NUP98: variants seen among roughly 807,000 people sequenced by gnomAD.
NUP98 encodes the protein nuclear pore complex protein Nup98-Nup96.
In NUP98, 26 loss-of-function variants were observed where a neutral mutation model predicts 191.9. The ratio of observed to expected loss-of-function variants is 0.14; its 90% CI spans 0.10 to 0.19. The LOEUF (loss-of-function observed/expected upper bound fraction) is 0.19. Among genes scored for constraint, NUP98 ranks in the 10% least tolerant of loss-of-function variants. The probability of loss-of-function intolerance (pLI) is 1.00; values close to 1 mark genes in which losing one functional copy is unlikely to be tolerated. For missense variants in NUP98, 1,941 were observed against 2,178.8 expected (o/e 0.89, Z 2.17); for synonymous variants, 808 against 778.4 (o/e 1.04, Z -0.63).
chr11:3,676,648 T>C, intron 31 of NUP98, 28 bp from the exon 32 acceptor site: 1 of 1,545,638 alleles, frequency 6.5e-7, no homozygotes, highest in Non-Finnish European at 8.9e-7. Context: ...AGCCAATTAA[T>C]CCAAGGGGAG....
intron 1 of NUP98, among the ~76,000 whole-genome samples, chr11:3,784,325 G>GA (rs201208462): frequency 0.021 from 3,169 of 151,578 alleles, 112 homozygotes; most frequent in African/African-American, 0.073. Flanking sequence ...AATTTCCTAG[G>GA]AAAAAAAATC....
chr11:3,704,330 G>C (rs889491252), intron 22 of NUP98, among the ~76,000 whole-genome samples: 4 of 152,174 alleles, frequency 2.6e-5, no homozygotes, highest in African/African-American at 9.7e-5. Context: ...GTTCTTTGCT[G>C]ATATTAAAAC....
At chr11:3,796,909 C>A (rs1003767237) in intron 1 of NUP98, among the ~76,000 whole-genome samples, 1 of 152,252 alleles carries the variant, frequency 6.6e-6, no homozygotes, top group African/African-American at 2.4e-5. Context: ...CGAACCGACT[C>A]CTATTCTCAG....
intron 30 of NUP98, among the ~76,000 whole-genome samples, chr11:3,681,317 A>C (rs944789219): frequency 1.3e-5 from 2 of 152,226 alleles, no homozygotes; most frequent in African/African-American, 4.8e-5. Flanking sequence ...CTGGGATTAC[A>C]GGTACGAGCC....
chr11:3,797,181 C>T (rs1478587157), intron 1 of NUP98, among the ~76,000 whole-genome samples: 1 of 152,262 alleles, frequency 6.6e-6, no homozygotes. Context: ...AGGCCTAGAC[C>T]CCACTGATGT....
chr11:3,678,292 G>C (rs1287301298), intron 31 of NUP98, among the ~76,000 whole-genome samples: 1 of 152,132 alleles, frequency 6.6e-6, no homozygotes, highest in Non-Finnish European at 1.5e-5. Context: ...GAGAGAGGTA[G>C]TTAACTTGCT....
intron 1 of NUP98, among the ~76,000 whole-genome samples, chr11:3,784,101 G>A (rs1242333843): frequency 2.0e-5 from 3 of 152,094 alleles, no homozygotes; most frequent in African/African-American, 7.2e-5. Context: ...TTCTATTATA[G>A]CCACACAATG....
At chr11:3,711,784 C>G (rs2079028472) in intron 20 of NUP98, 16 of 849,058 alleles carry the variant, frequency 1.9e-5, no homozygotes, top group Non-Finnish European at 2.2e-5. Context: ...TTTATCATAC[C>G]CTCCCCTCCC....
intron 25 of NUP98, 109 bp downstream of exon 25, chr11:3,698,973 T>C (rs776980016): frequency 5.3e-5 from 66 of 1,245,386 alleles, no homozygotes; most frequent in Non-Finnish European, 7.4e-5. Context: ...CCGCAATTAA[T>C]ACTCATAGGC....
At chr11:3,708,570 G>A (rs1317300464) in intron 20 of NUP98, among the ~76,000 whole-genome samples, 1 of 152,070 alleles carries the variant, frequency 6.6e-6, no homozygotes, top group East Asian at 1.9e-4. Context: ...TGAAACTATG[G>A]TTAAGTGCCT....
At chr11:3,684,137 G>A (rs966224981) in intron 29 of NUP98, among the ~76,000 whole-genome samples, 5 of 152,066 alleles carry the variant, frequency 3.3e-5, no homozygotes, top group Non-Finnish European at 2.9e-5. Flanking sequence ...GCTTGAACCC[G>A]GGAGGCAGAA....
intron 29 of NUP98, 28 bp from the exon 30 acceptor site, chr11:3,683,469 T>C (rs1395286829): frequency 6.2e-7 from 1 of 1,611,108 alleles, no homozygotes; most frequent in Non-Finnish European, 8.5e-7. Flanking sequence ...CTAGAATAAA[T>C]CCCATCCTCA....
intron 2 of NUP98, among the ~76,000 whole-genome samples, chr11:3,780,499 A>C (rs2081926229): frequency 7.2e-6 from 1 of 139,268 alleles, no homozygotes; most frequent in Non-Finnish European, 1.5e-5. Context: ...CTGAGATCGC[A>C]CCACCGCACT....
chr11:3,699,395 C>T (rs368354147), intron 24 of NUP98, 47 bp from the exon 25 acceptor site: 2 of 1,599,178 alleles, frequency 1.3e-6, no homozygotes, highest in South Asian at 1.1e-5. Context: ...AGTCTTACAA[C>T]AACTTCACAG....
intron 23 of NUP98, among the ~76,000 whole-genome samples, chr11:3,701,295 T>A (rs1422690075): frequency 6.8e-6 from 1 of 147,816 alleles, no homozygotes; most frequent in Admixed American, 6.9e-5. Flanking sequence ...AGTTTCACAC[T>A]GTCGCTGAGG....
chr11:3,702,945 T>C (rs2078755055), intron 22 of NUP98, 53 bp from the exon 23 acceptor site: 1 of 1,425,038 alleles, frequency 7.0e-7, no homozygotes, highest in Non-Finnish European at 9.6e-7. Flanking sequence ...ACACAAGCTA[T>C]TGTTTCTTGA....
chr11:3,726,147 A>C (rs568619107), intron 14 of NUP98, among the ~76,000 whole-genome samples: 1 of 152,272 alleles, frequency 6.6e-6, no homozygotes, highest in East Asian at 1.9e-4. Context: ...GGAACTCTCA[A>C]ATTTCTAAGA....
At chr11:3,797,313 G>A (rs2082705634) in intron 1 of NUP98, 87 bp downstream of exon 1, 3 of 400,716 alleles carry the variant, frequency 7.5e-6, no homozygotes, top group South Asian at 2.4e-4. Context: ...AAGCGGAGAG[G>A]CCCTGAGACG....
chr11:3,787,427 A>G (rs2082179822), intron 1 of NUP98, among the ~76,000 whole-genome samples: 1 of 152,078 alleles, frequency 6.6e-6, no homozygotes, highest in Non-Finnish European at 1.5e-5. Flanking sequence ...TAATAAAAAT[A>G]CAAACATTAG....
Sources: gnomAD v4.1 joint callset for allele counts (sites outside exome capture counted in the v4.1 genomes callset) on GRCh38, gnomAD v4.1.1 for gene constraint, MANE v1.5 for transcripts, NCBI Gene and HGNC (gene_info 2026-07-23, HGNC 2026-07-21) for gene names.